The following DYM variants were observed in gnomAD, a reference collection of about 807,000 sequenced individuals.
DYM encodes the protein dymeclin, also known as dyggve-Melchior-Clausen syndrome protein.
DYM carries 78 observed loss-of-function variants against 93.1 expected under a neutral mutation model. The ratio of observed to expected loss-of-function variants is 0.84; its 90% CI spans 0.70 to 1.01. DYM has a LOEUF of 1.01. Among genes scored for constraint, DYM ranks in the 50% least tolerant of loss-of-function variants. The pLI is 0.00. For missense variants in DYM, 789 were observed against 845.0 expected (o/e 0.93, Z 0.82); for synonymous variants, 321 against 319.7 (o/e 1.00, Z -0.04).
intron 8 of DYM, among the ~76,000 whole-genome samples, chr18:49,322,209 GA>G (rs962551428): frequency 2.0e-4 from 30 of 150,582 alleles, no homozygotes; most frequent in Middle Eastern, 3.4e-3. Context: ...GCAAGCAAAG[GA>G]AAAAAAAAAT....
intron 2 of DYM, among the ~76,000 whole-genome samples, chr18:49,393,472 T>A (rs888017502): frequency 2.0e-5 from 3 of 152,136 alleles, no homozygotes; most frequent in Non-Finnish European, 2.9e-5. Context: ...TATTTAGTCT[T>A]AAGAAATAGG....
intron 15 of DYM, among the ~76,000 whole-genome samples, chr18:49,123,402 C>T (rs1383106811): frequency 6.6e-6 from 1 of 152,140 alleles, no homozygotes; most frequent in East Asian, 1.9e-4. Flanking sequence ...GTTTCAAGAT[C>T]CCATGGTGAG....
At chr18:49,428,642 C>T (rs775645135) in intron 2 of DYM, among the ~76,000 whole-genome samples, 8 of 152,074 alleles carry the variant, frequency 5.3e-5, no homozygotes, top group Non-Finnish European at 8.8e-5. Flanking sequence ...GCAGAGATCG[C>T]GCCACTGAAC....
intron 8 of DYM, among the ~76,000 whole-genome samples, chr18:49,303,340 G>A (rs1431560649): frequency 6.6e-6 from 1 of 152,118 alleles, no homozygotes; most frequent in Non-Finnish European, 1.5e-5. Flanking sequence ...CATTTAAGGT[G>A]CCCATGATTT....
At chr18:49,341,006 T>G (rs916437837) in intron 6 of DYM, among the ~76,000 whole-genome samples, 6 of 152,250 alleles carry the variant, frequency 3.9e-5, no homozygotes, top group African/African-American at 1.4e-4. Context: ...TCACAGATTC[T>G]GTATTTGTAA....
At chr18:49,385,166 TGAAAA>T (rs1175612848) in intron 3 of DYM, among the ~76,000 whole-genome samples, 2 of 152,134 alleles carry the variant, frequency 1.3e-5, no homozygotes, top group African/African-American at 4.8e-5. Flanking sequence ...ACCCGGCTCC[TGAAAA>T]GATTGTATTT....
At chr18:49,081,564 G>A (rs986864217) in intron 17 of DYM, among the ~76,000 whole-genome samples, 1 of 122,668 alleles carries the variant, frequency 8.2e-6, no homozygotes, top group East Asian at 3.2e-4. Flanking sequence ...GGGGAGAGGG[G>A]AGAGGGGAGC....
chr18:49,186,611 A>C (rs1156695730), intron 14 of DYM, among the ~76,000 whole-genome samples: 9 of 152,232 alleles, frequency 5.9e-5, no homozygotes, highest in Admixed American at 5.9e-4. Context: ...TTATGGACTG[A>C]ATCCATCAGG....
chr18:49,240,926 G>A (rs2093994956), intron 13 of DYM, among the ~76,000 whole-genome samples: 1 of 152,196 alleles, frequency 6.6e-6, no homozygotes, highest in Admixed American at 6.5e-5. Flanking sequence ...ATTTTTCAGT[G>A]AAGATGGTTT....
rs115928544 is a variant in DYM at position 49,260,956 on chromosome 18, G to C, written c.1252-2463C>G. 3.1e-3 allele frequency among the ~76,000 whole-genome samples: 475 copies of C among 151,612 alleles called. 4 individuals carry two copies. Among genetic ancestry groups the C allele is most frequent in the African/African-American group, 0.011 (441 of 41,338 alleles). On this transcript the variant is annotated intron_variant, in intron 11 of 17. Coordinates refer to ENST00000675505, the MANE Select transcript of DYM (RefSeq NM_001353214.3). ...CAAATCCAGAAGAATTCAAGAGAAG[G>C]AGAATATGGAATACAAACAACAACA...
intron 13 of DYM, among the ~76,000 whole-genome samples, chr18:49,247,973 C>T (rs546467773): frequency 1.3e-5 from 2 of 152,330 alleles, no homozygotes; most frequent in East Asian, 1.9e-4. Context: ...TCAAGACAAA[C>T]ATTCCTCCTT....
chr18:49,274,121 T>C (rs375733897), intron 10 of DYM, among the ~76,000 whole-genome samples: 28 of 152,156 alleles, frequency 1.8e-4, no homozygotes, highest in African/African-American at 6.5e-4. Flanking sequence ...AATTTCATTA[T>C]CTCAAAAACA....
At chr18:49,189,847 T>A (rs976709972) in intron 14 of DYM, among the ~76,000 whole-genome samples, 1 of 152,182 alleles carries the variant, frequency 6.6e-6, no homozygotes, top group African/African-American at 2.4e-5. Flanking sequence ...ACTCTTGCAA[T>A]AGTCACATCA....
At chr18:49,294,167 T>C (rs1327108660) in intron 8 of DYM, among the ~76,000 whole-genome samples, 1 of 152,214 alleles carries the variant, frequency 6.6e-6, no homozygotes, top group Admixed American at 6.5e-5. Context: ...TCTGTTCCAT[T>C]GGTCCATGTA....
At chr18:49,197,366 G>A (rs2091560926) in intron 14 of DYM, among the ~76,000 whole-genome samples, 1 of 151,940 alleles carries the variant, frequency 6.6e-6, no homozygotes, top group Non-Finnish European at 1.5e-5. Context: ...GCAAAAGGGG[G>A]GGAAGAAAGC....
Position 49,039,595 on chromosome 18 carries a change from G to GT in DYM, c.*4459dup, listed in dbSNP as rs959218433. ...TCTTACCCTCTATTCTCCATGTTCT[G>GT]TTTTTTTTACTATATAATTCCTGCT... On this transcript the variant is annotated 3_prime_UTR_variant, in exon 18 of 18. Coordinates refer to ENST00000675505, the MANE Select transcript of DYM (RefSeq NM_001353214.3). Among the ~76,000 whole-genome samples the GT allele has an allele frequency of 9.2e-5, 14 of 151,778 alleles. No homozygotes were observed. The highest frequency in any genetic ancestry group is 3.4e-3 in the Middle Eastern group (1 of 294).
intron 8 of DYM, among the ~76,000 whole-genome samples, chr18:49,331,199 T>A (rs1455920682): frequency 6.6e-6 from 1 of 152,190 alleles, no homozygotes; most frequent in African/African-American, 2.4e-5. Context: ...TACCAAAGTG[T>A]CGCTCTAGGA....
chr18:49,107,301 A>G (rs2080928699), intron 16 of DYM, among the ~76,000 whole-genome samples: 3 of 152,094 alleles, frequency 2.0e-5, no homozygotes, highest in South Asian at 4.1e-4. Context: ...CTAGTTAGCC[A>G]TTCGTCTAAT....
chr18:49,345,863 G>T (rs139387018), intron 6 of DYM, among the ~76,000 whole-genome samples: 3 of 152,214 alleles, frequency 2.0e-5, no homozygotes, highest in Non-Finnish European at 2.9e-5. Flanking sequence ...AACAGAGGCG[G>T]CAATACAACC....
Sources: allele counts gnomAD v4.1 joint callset (sites outside exome capture counted in the v4.1 genomes callset), GRCh38; gene constraint gnomAD v4.1.1; transcripts MANE v1.5; gene names NCBI Gene and HGNC (gene_info 2026-07-23, HGNC 2026-07-21).